Variants in AIMP2 observed in about 807,000 individuals in gnomAD.
AIMP2 encodes the protein aminoacyl tRNA synthase complex-interacting multifunctional protein 2.
In AIMP2, 20 loss-of-function variants were observed where a neutral mutation model predicts 23.4. That is an observed-to-expected ratio of 0.85 (90% CI 0.60 to 1.24). The LOEUF (loss-of-function observed/expected upper bound fraction) is 1.24. AIMP2 is among the 50% of genes most tolerant of loss of function. The probability of loss-of-function intolerance (pLI) is 0.00; values close to 1 mark genes in which losing one functional copy is unlikely to be tolerated. For synonymous variants in AIMP2, 210 were observed against 170.4 expected, an observed-to-expected ratio of 1.23 and a Z score of -1.81; for missense variants, 515 against 414.5, an observed-to-expected ratio of 1.24 and a Z score of -2.10.
intron 1 of AIMP2, among the ~76,000 whole-genome samples, chr7:6,010,448 G>GTTTTTTTTTTT (rs57431372): frequency 6.7e-6 from 1 of 148,516 alleles, no homozygotes. Context: ...CTGGTTTTTT[G>GTTTTTTTTTTT]TTTTTTTTTT....
rs1236532294 is a variant in AIMP2, at chr7:6,023,687, A to T, written c.959A>T (p.Lys320Met). The part of the protein sequence containing the change: ...APFNTALKLL[K>M] ...TTTAACACGGCCCTCAAGCTCCTTA[A>T]GTGAATTGCCGTAACTGATTTTAAA... Residue 320 changes from lysine (K) to methionine (M), a missense_variant, in exon 4 of 4, where the codon AAG (lysine) becomes ATG (methionine). By Grantham distance (95) the Lys-to-Met change is moderately conservative (BLOSUM62 -1). Coordinates refer to ENST00000223029, the MANE Select transcript of AIMP2 (RefSeq NM_006303.4). The T allele has an allele frequency of 6.2e-7, 1 of 1,613,978 alleles. No individual in the cohort carries two copies. The highest frequency in any genetic ancestry group is 8.5e-7 in the Non-Finnish European group (1 of 1,179,980).
chr7:6,012,179 G>C (rs1342339725), intron 1 of AIMP2, among the ~76,000 whole-genome samples: 2 of 151,898 alleles, frequency 1.3e-5, no homozygotes, highest in Non-Finnish European at 2.9e-5. Context: ...CTTGAGCCCA[G>C]GAGGTCAGGG....
intron 2 of AIMP2, among the ~76,000 whole-genome samples, 187 bp downstream of exon 2, chr7:6,015,539 G>A (rs777801973): frequency 1.4e-4 from 22 of 152,102 alleles, no homozygotes; most frequent in African/African-American, 2.2e-4. Context: ...CCTGGCCAAC[G>A]TGGTGAAACC....
intron 1 of AIMP2, among the ~76,000 whole-genome samples, chr7:6,011,753 C>T (rs995694293): frequency 2.4e-4 from 36 of 152,202 alleles, no homozygotes; most frequent in Non-Finnish European, 4.4e-5. Context: ...CACCCTCCAA[C>T]TGCACAGTCC....
chr7:6,016,198 C>T (rs1787021779), intron 2 of AIMP2, among the ~76,000 whole-genome samples: 1 of 152,162 alleles, frequency 6.6e-6, no homozygotes, highest in Non-Finnish European at 1.5e-5. Context: ...TAAGTTGCAT[C>T]AGCCAGCTCT....
At chr7:6,014,956 A>G (rs529317388) in intron 1 of AIMP2, 190 bp from the exon 2 acceptor site, 1 of 1,301,280 alleles carries the variant, frequency 7.7e-7, no homozygotes, top group African/African-American at 1.5e-5. Flanking sequence ...CTGACGTCAG[A>G]TGATCTGCCT....
intron 1 of AIMP2, among the ~76,000 whole-genome samples, chr7:6,009,974 A>AAAAAAATATACATATATATATAT: frequency 3.8e-5 from 1 of 26,662 alleles, no homozygotes; most frequent in African/African-American, 1.4e-4. Flanking sequence ...AAAAAAAAAA[A>AAAAAAATATACATATATATATAT]ATATATATAT....
chr7:6,015,520 C>T (rs755943630), intron 2 of AIMP2, among the ~76,000 whole-genome samples, 168 bp downstream of exon 2: 4 of 151,744 alleles, frequency 2.6e-5, no homozygotes, highest in African/African-American at 7.3e-5. Flanking sequence ...GTCAGGAGAT[C>T]GAGACCATCC....
In AIMP2 at chr7:6,017,617, C is replaced by T. The variant is rs942460307; in HGVS notation, c.343-197C>T. The stretch of plus-strand genomic sequence containing the variant: ...TGGGGGTAAGGGGGTGGAGTCCGCT[C>T]ATATCCCAGCTCCACTCCGTCCTGA... On this transcript the variant is annotated intron_variant, in intron 2 of 3. Transcript: ENST00000223029. Among the ~76,000 whole-genome samples the T allele has an allele frequency of 2.8e-4, 43 of 152,046 alleles. 1 individual carries two copies. Among genetic ancestry groups the T allele is most frequent in the Non-Finnish European group, 4.4e-5 (3 of 68,026 alleles).
At chr7:6,009,921 C>G (rs1447833049) in intron 1 of AIMP2, among the ~76,000 whole-genome samples, 1 of 119,842 alleles carries the variant, frequency 8.3e-6, no homozygotes, top group Non-Finnish European at 1.7e-5. Context: ...TGCACTCGAG[C>G]CTGGGCAACA....
chr7:6,014,643 G>A (rs1417028221), intron 1 of AIMP2, among the ~76,000 whole-genome samples: 1 of 152,098 alleles, frequency 6.6e-6, no homozygotes, highest in East Asian at 1.9e-4. Flanking sequence ...GTATTTTAAT[G>A]TCTTTTTCCT....
At position 6,023,618 on chromosome 7, in the gene AIMP2, C is replaced by A. The variant is rs371505435; in HGVS notation, c.890C>A (p.Ala297Asp). 6.2e-7 allele frequency: 1 copy of A among 1,613,968 alleles called. No homozygotes were observed. The highest frequency in any genetic ancestry group is 1.3e-5 in the African/African-American group (1 of 74,888). ...GGAGGCTGCAGTGTGACAGTGCCAG[C>A]CAATGTGCAGAGGTGGATGAGGTCT... ...QIGGCSVTVP[A>D]NVQRWMRSCE... Residue 297 changes from alanine to aspartate, a missense_variant, in exon 4 of 4, where the codon GCC becomes GAC. By Grantham distance (126) the Ala-to-Asp change is moderately radical. Transcript: ENST00000223029.
intron 3 of AIMP2, among the ~76,000 whole-genome samples, chr7:6,018,621 G>C (rs745666358): frequency 5.9e-5 from 9 of 151,806 alleles, no homozygotes; most frequent in Non-Finnish European, 1.3e-4. Flanking sequence ...AGATCACAAA[G>C]TCAGGAGTTC....
chr7:6,013,956 C>CA (rs5882079), intron 1 of AIMP2, among the ~76,000 whole-genome samples: 57,667 of 141,352 alleles, frequency 0.41, 12,295 homozygotes, highest in East Asian at 0.72. Context: ...GTCTCCAGGA[C>CA]AAAAAAAAAA....
Position 6,023,754 on chromosome 7 carries a change from C to T in AIMP2, c.*63C>T. 3.1e-6 allele frequency: 5 copies of T among 1,611,790 alleles called. No homozygotes were observed. Among genetic ancestry groups the T allele is most frequent in the Non-Finnish European group, 4.2e-6 (5 of 1,178,636 alleles). The stretch of plus-strand genomic sequence containing the variant: ...AATGGTGCTCTTTCATGCCTATTAT[C>T]AGTAAGGGGACTTGTATTAGAGTCA... On this transcript the variant is annotated 3_prime_UTR_variant, in exon 4 of 4. Coordinates refer to ENST00000223029, the MANE Select transcript of AIMP2 (RefSeq NM_006303.4).
Position 6,023,664 on chromosome 7 carries a change from T to A in AIMP2, c.936T>A (p.Phe312Leu). The A allele has an allele frequency of 6.2e-7, 1 of 1,614,148 alleles. No homozygotes were observed. Among genetic ancestry groups the A allele is most frequent in the Non-Finnish European group, 8.5e-7 (1 of 1,180,026 alleles). The change falls in exon 4 of 4, where the codon TTT becomes TTA. Residue 312 changes from phenylalanine to leucine, a missense_variant. Phe to Leu is a conservative substitution (Grantham distance 22). Coordinates refer to ENST00000223029, the MANE Select transcript of AIMP2 (RefSeq NM_006303.4). ...GGTCTTGTGAAAACCTGGCTCCTTT[T>A]AACACGGCCCTCAAGCTCCTTAAGT... is the stretch of plus-strand genomic sequence containing the variant. ...WMRSCENLAPFNTALKLLK is the reference protein window; with the variant it reads ...WMRSCENLAPLNTALKLLK
intron 3 of AIMP2, among the ~76,000 whole-genome samples, chr7:6,021,295 C>T (rs547011227): frequency 6.1e-5 from 9 of 147,166 alleles, no homozygotes; most frequent in African/African-American, 1.5e-4. Flanking sequence ...AGTGAGATCG[C>T]GCCACTGCAC....
At chr7:6,009,996 T>C (rs1450975875) in intron 1 of AIMP2, among the ~76,000 whole-genome samples, 42 of 116,540 alleles carry the variant, frequency 3.6e-4, no homozygotes, top group Non-Finnish European at 1.4e-4. Flanking sequence ...TATATATGTA[T>C]GTATCTTTCC....
At chr7:6,015,437 C>T in intron 2 of AIMP2, 85 bp downstream of exon 2, 1 of 1,477,420 alleles carries the variant, frequency 6.8e-7, no homozygotes, top group East Asian at 2.3e-5. Context: ...AAAGCCTTAG[C>T]TTTCAGGCCG....
Sources: gnomAD v4.1 joint callset for allele counts (sites outside exome capture counted in the v4.1 genomes callset) on GRCh38, gnomAD v4.1.1 for gene constraint, MANE v1.5 for transcripts, NCBI Gene and HGNC (gene_info 2026-07-23, HGNC 2026-07-21) for gene names.